ATP10A: variants seen among roughly 807,000 people sequenced by gnomAD.
ATP10A encodes ATPase phospholipid transporting 10A (putative).
In ATP10A, 111 loss-of-function variants were observed where a neutral mutation model predicts 147.8. That is an observed-to-expected ratio of 0.75 (90% CI 0.64 to 0.88). The LOEUF is 0.88. Among genes scored for constraint, ATP10A ranks in the 40% least tolerant of loss-of-function variants. The pLI is 0.00. For missense variants in ATP10A, 1,927 were observed against 1,959.0 expected (o/e 0.98, Z 0.31); for synonymous variants, 875 against 841.6 (o/e 1.04, Z -0.69).
intron 2 of ATP10A, among the ~76,000 whole-genome samples, chr15:25,755,910 T>A (rs964127999): frequency 6.6e-6 from 1 of 152,252 alleles, no homozygotes; most frequent in African/African-American, 2.4e-5. Flanking sequence ...TCTCCATTTG[T>A]AAGCGTGTCT....
chr15:25,779,885 G>C (rs1056600338), intron 2 of ATP10A, among the ~76,000 whole-genome samples: 6 of 99,964 alleles, frequency 6.0e-5, no homozygotes, highest in South Asian at 5.9e-4. Context: ...CACACACACA[G>C]AGTAAATGAG....
chr15:25,791,846 T>A (rs911695015), intron 1 of ATP10A, among the ~76,000 whole-genome samples: 2 of 152,354 alleles, frequency 1.3e-5, no homozygotes, highest in African/African-American at 2.4e-5. Flanking sequence ...AGTTGTAGCA[T>A]AATTTTGTTA....
chr15:25,764,857 G>A (rs181991475), intron 2 of ATP10A, among the ~76,000 whole-genome samples: 3 of 152,300 alleles, frequency 2.0e-5, no homozygotes, highest in East Asian at 1.9e-4. Context: ...TAAAAGCTCC[G>A]GCCTGCTAAT....
chr15:25,797,778 G>T lies in ATP10A; in HGVS notation c.450-16555C>A, dbSNP rs72707924. Among the ~76,000 whole-genome samples, 836 of 152,216 alleles carry T rather than the reference G, an allele frequency of 5.5e-3. 3 individuals are homozygous for T. Among genetic ancestry groups the T allele is most frequent in the Middle Eastern group, 0.017 (5 of 294 alleles). ...CACATCACCAGGAGACTGCCGCCCT[G>T]GGGGGTGAGGGTGGGGAGAGAGACC... On this transcript the variant is annotated intron_variant, in intron 1 of 20. Transcript: ENST00000555815.
At chr15:25,695,167 C>T (rs780121064) in intron 13 of ATP10A, 21 bp from the exon 14 acceptor site, 10 of 1,584,068 alleles carry the variant, frequency 6.3e-6, no homozygotes, top group Non-Finnish European at 7.7e-6. Context: ...CATGAGAGGA[C>T]AGCGCAGTTC....
chr15:25,690,060 A>G (rs1899934423), intron 15 of ATP10A, among the ~76,000 whole-genome samples: 1 of 152,242 alleles, frequency 6.6e-6, no homozygotes, highest in African/African-American at 2.4e-5. Context: ...GGTTCCCCCG[A>G]ACAGTCGAAA....
intron 1 of ATP10A, among the ~76,000 whole-genome samples, chr15:25,843,216 TCCACCCC>T (rs974248538): frequency 9.3e-4 from 21 of 22,678 alleles, no homozygotes; most frequent in African/African-American, 3.1e-3. Context: ...AGGCCCACCC[TCCACCCC>T]CCACCCCCCA....
intron 1 of ATP10A, among the ~76,000 whole-genome samples, chr15:25,843,081 G>T (rs1389928669): frequency 6.6e-6 from 1 of 152,114 alleles, no homozygotes; most frequent in Non-Finnish European, 1.5e-5. Context: ...AAAACCTATT[G>T]TTCTGAGTGG....
intron 1 of ATP10A, among the ~76,000 whole-genome samples, chr15:25,811,915 AGAGGAAACC>A (rs1891450738): frequency 1.3e-5 from 2 of 152,192 alleles, no homozygotes; most frequent in African/African-American, 4.8e-5. Context: ...CCCCGATGCC[AGAGGAAACC>A]GAGGCACACG....
chr15:25,742,135 C>A (rs1350010785), intron 2 of ATP10A, among the ~76,000 whole-genome samples: 4 of 144,560 alleles, frequency 2.8e-5, no homozygotes, highest in African/African-American at 1.0e-4. Flanking sequence ...CACTCCACTG[C>A]ACGTCACACA....
intron 1 of ATP10A, among the ~76,000 whole-genome samples, chr15:25,799,015 G>T (rs142438798): frequency 3.5e-4 from 54 of 152,248 alleles, no homozygotes; most frequent in Non-Finnish European, 6.6e-4. Flanking sequence ...TGCCTGTTTG[G>T]CCCCTCCCTT....
chr15:25,840,674 C>G (rs1295690543), intron 1 of ATP10A, among the ~76,000 whole-genome samples: 1 of 152,068 alleles, frequency 6.6e-6, no homozygotes, highest in African/African-American at 2.4e-5. Flanking sequence ...GGTAAATGCC[C>G]AGGAGTGCAA....
intron 2 of ATP10A, among the ~76,000 whole-genome samples, chr15:25,736,349 G>A (rs112994295): frequency 2.6e-5 from 4 of 152,266 alleles, no homozygotes; most frequent in African/African-American, 9.6e-5. Flanking sequence ...GACAATTGGG[G>A]GACCGGTACT....
At chr15:25,752,951 A>AT (rs1381566283) in intron 2 of ATP10A, among the ~76,000 whole-genome samples, 1 of 151,516 alleles carries the variant, frequency 6.6e-6, no homozygotes, top group East Asian at 1.9e-4. Flanking sequence ...TTATTTTGCG[A>AT]TTTTTGTTGT....
intron 2 of ATP10A, among the ~76,000 whole-genome samples, chr15:25,746,525 G>C (rs1380733585): frequency 2.6e-5 from 4 of 152,146 alleles, no homozygotes; most frequent in Non-Finnish European, 5.9e-5. Context: ...GCACACAAGA[G>C]CTGTAGAACA....
At chr15:25,843,422 A>G (rs1167786333) in intron 1 of ATP10A, among the ~76,000 whole-genome samples, 1 of 152,028 alleles carries the variant, frequency 6.6e-6, no homozygotes, top group Non-Finnish European at 1.5e-5. Flanking sequence ...TCATAAATTC[A>G]CCAAGAATCT....
intron 2 of ATP10A, among the ~76,000 whole-genome samples, chr15:25,741,606 T>C (rs1011032813): frequency 6.6e-6 from 1 of 152,222 alleles, no homozygotes; most frequent in Non-Finnish European, 1.5e-5. Flanking sequence ...ATTACTATTA[T>C]TATTATTTTG....
chr15:25,806,554 C>T (rs929914417), intron 1 of ATP10A, among the ~76,000 whole-genome samples: 5 of 152,198 alleles, frequency 3.3e-5, no homozygotes, highest in South Asian at 2.1e-4. Flanking sequence ...CCTCGTGATC[C>T]GCCCGCCTCA....
intron 1 of ATP10A, among the ~76,000 whole-genome samples, chr15:25,841,053 G>T (rs1436125562): frequency 6.6e-6 from 1 of 151,958 alleles, no homozygotes; most frequent in Non-Finnish European, 1.5e-5. Context: ...GCTTTGTTGG[G>T]TATGTGATTT....
Sources: allele counts gnomAD v4.1 joint callset (sites outside exome capture counted in the v4.1 genomes callset), GRCh38; gene constraint gnomAD v4.1.1; transcripts MANE v1.5; gene names NCBI Gene and HGNC (gene_info 2026-07-23, HGNC 2026-07-21).